Variants in ZDHHC14 observed in about 807,000 individuals in gnomAD.
ZDHHC14 encodes the protein palmitoyltransferase ZDHHC14.
Under a neutral mutation model 47.7 loss-of-function variants are expected in ZDHHC14, and 16 were observed. That is an observed-to-expected ratio of 0.34 (90% CI 0.23 to 0.51). ZDHHC14 has a LOEUF of 0.51. ZDHHC14 is among the 20% of genes least tolerant of loss of function. The pLI is 0.97. For missense variants in ZDHHC14, 515 were observed against 662.5 expected, an observed-to-expected ratio of 0.78 and a Z score of 2.44; for synonymous variants, 293 against 278.9, an observed-to-expected ratio of 1.05 and a Z score of -0.50.
chr6:157,633,906 C>T (rs1583049367), intron 5 of ZDHHC14, among the ~76,000 whole-genome samples: 1 of 152,204 alleles, frequency 6.6e-6, no homozygotes, highest in South Asian at 2.1e-4. Context: ...GCCCACCTGG[C>T]CCTCCCCAAG....
chr6:157,422,133 C>A (rs1044764372), intron 1 of ZDHHC14, among the ~76,000 whole-genome samples: 1 of 152,122 alleles, frequency 6.6e-6, no homozygotes, highest in African/African-American at 2.4e-5. Flanking sequence ...TTTCCCCAGC[C>A]CCATCCAGAG....
chr6:157,671,320 G>C (rs951339160), intron 8 of ZDHHC14, among the ~76,000 whole-genome samples: 4 of 152,208 alleles, frequency 2.6e-5, no homozygotes, highest in African/African-American at 9.7e-5. Flanking sequence ...CAACCCATCT[G>C]TGCCCCAGGG....
At chr6:157,509,149 C>T (rs1780401367) in intron 1 of ZDHHC14, among the ~76,000 whole-genome samples, 1 of 152,176 alleles carries the variant, frequency 6.6e-6, no homozygotes, top group South Asian at 2.1e-4. Flanking sequence ...ATCTCTCCAA[C>T]ACACTTCTTC....
intron 2 of ZDHHC14, among the ~76,000 whole-genome samples, chr6:157,547,072 A>G (rs1320190970): frequency 6.6e-6 from 1 of 152,206 alleles, no homozygotes; most frequent in Non-Finnish European, 1.5e-5. Flanking sequence ...TTAAAAATTC[A>G]CTTGCGTTGT....
chr6:157,474,798 AT>A (rs1302703564), intron 1 of ZDHHC14, among the ~76,000 whole-genome samples: 3 of 152,172 alleles, frequency 2.0e-5, no homozygotes, highest in African/African-American at 7.2e-5. Flanking sequence ...TATTTTGAAT[AT>A]TAACCCCTTA....
intron 5 of ZDHHC14, among the ~76,000 whole-genome samples, chr6:157,640,697 C>T (rs1777208015): frequency 6.6e-6 from 1 of 152,224 alleles, no homozygotes; most frequent in Non-Finnish European, 1.5e-5. Flanking sequence ...CCTAACCAGC[C>T]CCACTGAGGG....
At chr6:157,607,711 G>A (rs888080422) in intron 3 of ZDHHC14, among the ~76,000 whole-genome samples, 1 of 152,104 alleles carries the variant, frequency 6.6e-6, no homozygotes, top group Non-Finnish European at 1.5e-5. Flanking sequence ...GTTCCCTCTC[G>A]TTGTCCATAC....
chr6:157,548,150 G>T (rs1052063437), intron 2 of ZDHHC14, among the ~76,000 whole-genome samples: 4 of 151,562 alleles, frequency 2.6e-5, no homozygotes, highest in Admixed American at 2.6e-4. Flanking sequence ...CATTAAAGGT[G>T]GCTAATTTGA....
intron 1 of ZDHHC14, among the ~76,000 whole-genome samples, chr6:157,523,150 A>C (rs948447119): frequency 1.3e-5 from 2 of 151,628 alleles, no homozygotes; most frequent in Admixed American, 6.6e-5. Flanking sequence ...GCATTAGTCA[A>C]TGTGAATCTA....
chr6:157,587,592 G>A (rs936005488), intron 2 of ZDHHC14, among the ~76,000 whole-genome samples: 4 of 152,228 alleles, frequency 2.6e-5, no homozygotes, highest in Admixed American at 2.0e-4. Context: ...TAAGCAGAAG[G>A]TTTGGGCCTC....
chr6:157,624,643 CAGAT>C (rs1460030874), intron 3 of ZDHHC14, among the ~76,000 whole-genome samples: 5 of 152,282 alleles, frequency 3.3e-5, no homozygotes, highest in South Asian at 2.1e-4. Context: ...GGTTAGGAGA[CAGAT>C]AGAGCTGGGC....
At chr6:157,559,277 G>T (rs531671188) in intron 2 of ZDHHC14, among the ~76,000 whole-genome samples, 121 of 152,376 alleles carry the variant, frequency 7.9e-4, no homozygotes, top group Non-Finnish European at 1.3e-3. Flanking sequence ...TGCCCCACAG[G>T]CTTCTGAAGC....
intron 1 of ZDHHC14, among the ~76,000 whole-genome samples, chr6:157,439,271 A>G (rs915107041): frequency 6.6e-6 from 1 of 152,232 alleles, no homozygotes; most frequent in East Asian, 1.9e-4. Flanking sequence ...CCAACTGACA[A>G]AGATCTAATA....
intron 1 of ZDHHC14, among the ~76,000 whole-genome samples, chr6:157,538,003 A>C (rs1781602882): frequency 6.6e-6 from 1 of 152,158 alleles, no homozygotes; most frequent in African/African-American, 2.4e-5. Flanking sequence ...TGCTTTTTCT[A>C]AGCAGCATTT....
chr6:157,419,302 T>A (rs1778049542), intron 1 of ZDHHC14, among the ~76,000 whole-genome samples: 1 of 152,248 alleles, frequency 6.6e-6, no homozygotes, highest in African/African-American at 2.4e-5. Flanking sequence ...TGGATTTATG[T>A]CATGCCTAAT....
At chr6:157,442,954 A>G (rs547722893) in intron 1 of ZDHHC14, among the ~76,000 whole-genome samples, 4 of 152,354 alleles carry the variant, frequency 2.6e-5, no homozygotes, top group African/African-American at 9.6e-5. Flanking sequence ...TTTGAAGCCA[A>G]TCAAGTAACT....
At chr6:157,494,628 A>T (rs1305447393) in intron 1 of ZDHHC14, among the ~76,000 whole-genome samples, 1 of 152,226 alleles carries the variant, frequency 6.6e-6, no homozygotes, top group African/African-American at 2.4e-5. Context: ...CTTGTAGATC[A>T]TGGCCACTTT....
intron 2 of ZDHHC14, among the ~76,000 whole-genome samples, chr6:157,544,810 T>C (rs1281167783): frequency 6.6e-6 from 1 of 152,204 alleles, no homozygotes; most frequent in Non-Finnish European, 1.5e-5. Context: ...TGTAAAATGG[T>C]ACATCCACTT....
At chr6:157,423,568 A>C (rs963303354) in intron 1 of ZDHHC14, among the ~76,000 whole-genome samples, 17 of 152,140 alleles carry the variant, frequency 1.1e-4, no homozygotes, top group Non-Finnish European at 2.1e-4. Flanking sequence ...CCAGGTATGA[A>C]TTTTCGGCAT....
Sources: allele counts gnomAD v4.1 joint callset (sites outside exome capture counted in the v4.1 genomes callset), GRCh38; gene constraint gnomAD v4.1.1; transcripts MANE v1.5; gene names NCBI Gene and HGNC (gene_info 2026-07-23, HGNC 2026-07-21).